CHAF1A: variants seen among roughly 807,000 people sequenced by gnomAD.
CHAF1A encodes the protein chromatin assembly factor 1 subunit A, also known as CAF-1 subunit A.
Under a neutral mutation model 93.2 loss-of-function variants are expected in CHAF1A, and 5 were observed. That is an observed-to-expected ratio of 0.05 (90% CI 0.03 to 0.11). CHAF1A has a LOEUF of 0.11. CHAF1A is among the 10% of genes least tolerant of loss of function. The pLI is 1.00. For synonymous variants in CHAF1A, 504 were observed against 510.3 expected (o/e 0.99, Z 0.17); for missense variants, 1,102 against 1,259.9 (o/e 0.87, Z 1.90).
chr19:4,412,499 G>A (rs243353), intron 3 of CHAF1A, among the ~76,000 whole-genome samples: 50,000 of 151,898 alleles, frequency 0.33, 8,715 homozygotes, highest in East Asian at 0.59. Flanking sequence ...GCCTGAGATC[G>A]TGCCATTGCA....
intron 4 of CHAF1A, among the ~76,000 whole-genome samples, chr19:4,418,732 T>TTA (rs1170868615): frequency 6.6e-6 from 1 of 152,152 alleles, no homozygotes; most frequent in African/African-American, 2.4e-5. Flanking sequence ...TGTCTTTCAC[T>TTA]TATTGCTAAG....
chr19:4,423,807 G>T lies in CHAF1A; in HGVS notation c.1310G>T (p.Arg437Leu). ...CATCACCATCTCTTAACATCACAGCGCATTAAAGCAGAGAAGGCCGAAATC... is the reference window on the plus strand; with the variant it reads ...CATCACCATCTCTTAACATCACAGCTCATTAAAGCAGAGAAGGCCGAAATC... The part of the protein sequence containing the change: ...EEKRLREEEK[R>L]IKAEKAEITR... The change falls in exon 7 of 15, where the codon CGC becomes CTC. Residue 437 changes from arginine (R) to leucine (L), a missense_variant and splice_region_variant. By Grantham distance (102) the Arg-to-Leu change is moderately radical. Transcript: ENST00000301280. The T allele has an allele frequency of 6.2e-7, 1 of 1,613,884 alleles. No individual in the cohort carries two copies. The highest frequency in any genetic ancestry group is 1.1e-5 in the South Asian group (1 of 91,072).
downstream of CHAF1A, chr19:4,447,394 T>G: frequency 6.7e-6 from 5 of 743,994 alleles, no homozygotes. Context: ...CATCTTGTCC[T>G]GCTACCTTCT....
chr19:4,432,753 C>G (rs1974208776), intron 12 of CHAF1A, among the ~76,000 whole-genome samples: 1 of 116,252 alleles, frequency 8.6e-6, no homozygotes, highest in Admixed American at 1.1e-4. Flanking sequence ...GAGCAAGACC[C>G]TGTCTAAAAA....
chr19:4,409,969 C>T (rs1441428912), intron 3 of CHAF1A, among the ~76,000 whole-genome samples: 1 of 152,220 alleles, frequency 6.6e-6, no homozygotes, highest in African/African-American at 2.4e-5. Context: ...AATTCATCAA[C>T]AGTGTACCTG....
intron 13 of CHAF1A, among the ~76,000 whole-genome samples, chr19:4,434,644 CTGTT>C (rs1201500399): frequency 3.9e-5 from 6 of 151,958 alleles, no homozygotes; most frequent in Admixed American, 3.9e-4. Context: ...TCCTCCGTGT[CTGTT>C]TGTGGCTTGA....
At chr19:4,430,324 C>G (rs763702772) in intron 10 of CHAF1A, among the ~76,000 whole-genome samples, 1 of 152,038 alleles carries the variant, frequency 6.6e-6, no homozygotes, top group African/African-American at 2.4e-5. Flanking sequence ...ATTATAGGTG[C>G]GTGCCACCAT....
At chr19:4,420,678 GC>G (rs1231089196) in intron 4 of CHAF1A, among the ~76,000 whole-genome samples, 6 of 151,450 alleles carry the variant, frequency 4.0e-5, no homozygotes, top group South Asian at 4.2e-4. Flanking sequence ...GTAGTGGCTC[GC>G]CCCCATAATC....
chr19:4,402,650 C>T lies in CHAF1A; in HGVS notation c.-113C>T, dbSNP rs879523638. On this transcript the variant is annotated 5_prime_UTR_variant, in exon 1 of 15. Coordinates refer to ENST00000301280, the MANE Select transcript of CHAF1A (RefSeq NM_005483.3). Reference sequence around the variant, plus strand: ...CGCCGCGGTTCCCGCCAAATACGAGCGCGGCGGCCGCGGCGGCAGCAGCGG... The same window carrying T: ...CGCCGCGGTTCCCGCCAAATACGAGTGCGGCGGCCGCGGCGGCAGCAGCGG... 1 of 647,238 alleles carries T rather than the reference C, an allele frequency of 1.5e-6. No individual in the cohort carries two copies. The highest frequency in any genetic ancestry group is 1.9e-5 in the African/African-American group (1 of 51,596). The allele number at this position is 647,238 out of a possible 1,614,324, so 40.1% of individuals were successfully genotyped here.
intron 6 of CHAF1A, 84 bp from the exon 7 acceptor site, chr19:4,423,722 G>A (rs368783508): frequency 2.4e-5 from 32 of 1,340,952 alleles, no homozygotes; most frequent in Non-Finnish European, 2.2e-5. Context: ...CTTGACGTTC[G>A]GTTCTGGGGG....
rs777134093 is a variant in CHAF1A, at chr19:4,422,732, A to AGGAGAAGGC, written c.1192_1200dup (p.Ala398_Lys400dup). 6.2e-7 allele frequency: 1 copy of AGGAGAAGGC among 1,612,822 alleles called. No homozygotes were observed. On this transcript the variant is annotated inframe_insertion, in exon 5 of 15. Transcript: ENST00000301280. This position sits in a 1 kb window ranked among gnomAD's most constrained non-coding sequence, Gnocchi z 4.6. ...CGGGAGAAGCGGGAGAAGGATGAGA[A>AGGAGAAGGC]GGAGAAGGCGGAGAAGCAGCGGCTC...
chr19:4,417,439 C>T (rs1006708246), intron 3 of CHAF1A, among the ~76,000 whole-genome samples: 2 of 148,948 alleles, frequency 1.3e-5, no homozygotes, highest in Admixed American at 1.4e-4. Context: ...CTCTCCCTGT[C>T]GCCCAGGCCA....
At chr19:4,425,803 G>A (rs1028128545) in intron 7 of CHAF1A, among the ~76,000 whole-genome samples, 9 of 152,216 alleles carry the variant, frequency 5.9e-5, no homozygotes, top group East Asian at 1.9e-4. Context: ...GCCAGAGTGC[G>A]TGCCAGATGG....
chr19:4,431,919 C>A, intron 11 of CHAF1A, 33 bp from the exon 12 acceptor site: 1 of 1,572,122 alleles, frequency 6.4e-7, no homozygotes, highest in Non-Finnish European at 8.7e-7. Context: ...GGAGCAAGAA[C>A]CCCAAATAAA....
At chr19:4,414,953 C>A (rs1973872360) in intron 3 of CHAF1A, among the ~76,000 whole-genome samples, 2 of 152,148 alleles carry the variant, frequency 1.3e-5, no homozygotes, top group African/African-American at 4.8e-5. Flanking sequence ...AAATTAGATA[C>A]CCTTTAGTAT....
Position 4,428,881 on chromosome 19 carries a change from T to C in CHAF1A, c.1595T>C (p.Ile532Thr), listed in dbSNP as rs1974131145. The C allele has an allele frequency of 6.2e-7, 1 of 1,613,460 alleles. No homozygotes were observed. Among genetic ancestry groups the C allele is most frequent in the East Asian group, 2.2e-5 (1 of 44,866 alleles). Residue 532 changes from isoleucine (I) to threonine (T), a missense_variant, in exon 8 of 15, where the codon ATT becomes ACT. By Grantham distance (89) the Ile-to-Thr change is moderately conservative. Coordinates refer to ENST00000301280, the MANE Select transcript of CHAF1A (RefSeq NM_005483.3). ...PTHVSTRNADIFNSDVVIVER... is the reference protein window; with the variant it reads ...PTHVSTRNADTFNSDVVIVER... ...CACGTTTCCACCCGGAATGCAGATA[T>C]TTTTAACAGGTCAGAGCCTGAGGAG...
At chr19:4,445,835 C>T (rs985792021), downstream of CHAF1A, 3 of 1,045,174 alleles carry the variant, frequency 2.9e-6, no homozygotes, top group Non-Finnish European at 4.0e-6. Context: ...CACGTCACCG[C>T]TCCCATTTGA....
At chr19:4,425,131 A>C (rs1161470792) in intron 7 of CHAF1A, among the ~76,000 whole-genome samples, 1 of 152,206 alleles carries the variant, frequency 6.6e-6, no homozygotes, top group Non-Finnish European at 1.5e-5. Flanking sequence ...CTGAAGGTGC[A>C]CAATGTGACA....
Position 4,408,884 on chromosome 19 carries a change from C to A in CHAF1A, c.104-19C>A. On this transcript the variant is annotated intron_variant, in intron 2 of 14. Transcript: ENST00000301280. ...AACTTTAAACGTTCACTAGAGATGG[C>A]TTTCTGTCTTTGTTTCAGCCCGTCT... 1.3e-6 allele frequency: 2 copies of A among 1,581,418 alleles called. No individual in the cohort carries two copies. Among genetic ancestry groups the A allele is most frequent in the South Asian group, 1.2e-5 (1 of 85,130 alleles).
Sources: gnomAD v4.1 joint callset for allele counts (sites outside exome capture counted in the v4.1 genomes callset) on GRCh38, gnomAD v4.1.1 for gene constraint, Gnocchi (gnomAD v3.1) non-coding constraint, MANE v1.5 for transcripts, NCBI Gene and HGNC (gene_info 2026-07-23, HGNC 2026-07-21) for gene names.